Variants in HDAC9 observed in about 807,000 individuals in gnomAD.
HDAC9 encodes MEF-2 interacting transcription repressor (MITR) protein.
In HDAC9, 41 loss-of-function variants were observed where a neutral mutation model predicts 139.4. That is an observed-to-expected ratio of 0.29 (90% CI 0.23 to 0.38). The LOEUF (loss-of-function observed/expected upper bound fraction) is 0.38. Ranked by LOEUF, HDAC9 falls within the 10% of genes least tolerant of loss-of-function variation. The pLI is 1.00. For missense variants in HDAC9, 1,147 were observed against 1,297.0 expected, an observed-to-expected ratio of 0.88 and a Z score of 1.78; for synonymous variants, 517 against 476.2, an observed-to-expected ratio of 1.09 and a Z score of -1.12.
At chr7:18,830,969 A>C (rs184568934) in intron 19 of HDAC9, among the ~76,000 whole-genome samples, 1 of 152,368 alleles carries the variant, frequency 6.6e-6, no homozygotes, top group African/African-American at 2.4e-5. Flanking sequence ...AAAACTTTAA[A>C]AATAGTATGC....
chr7:18,984,454 CAGAG>C (rs146444039), intron 25 of HDAC9, among the ~76,000 whole-genome samples: 1 of 151,030 alleles, frequency 6.6e-6, no homozygotes, highest in Non-Finnish European at 1.5e-5. Flanking sequence ...TAAGCTTTCA[CAGAG>C]AGAGAGAGAG....
At chr7:18,829,734 C>G (rs1357209898) in intron 19 of HDAC9, among the ~76,000 whole-genome samples, 186 bp downstream of exon 19, 1 of 152,200 alleles carries the variant, frequency 6.6e-6, no homozygotes, top group Admixed American at 6.5e-5. Context: ...TCACGTTTCA[C>G]TTTCATGGTG....
rs927321886 is a variant in HDAC9 at position 18,418,729 on chromosome 7, AT to A, written c.-41-77524del. ...ATATGAAAGCTGATGAATCGTAAGA[AT>A]TTTTTTTTAATATGATAGCTGATGG... is the stretch of plus-strand genomic sequence containing the variant. On this transcript the variant is annotated intron_variant, in intron 1 of 3. Transcript: ENST00000413509. 6.0e-3 allele frequency among the ~76,000 whole-genome samples: 908 copies of A among 151,518 alleles called. 8 individuals are homozygous for A. The highest frequency in any genetic ancestry group is 0.021 in the African/African-American group (853 of 41,242).
intron 3 of HDAC9, 95 bp from the exon 4 acceptor site, chr7:18,590,241 C>T: frequency 7.8e-7 from 1 of 1,289,174 alleles, no homozygotes. Flanking sequence ...TAAATACAAA[C>T]AAGTTCCAAA....
chr7:18,715,523 C>T (rs1213413905), intron 12 of HDAC9, among the ~76,000 whole-genome samples: 10 of 151,980 alleles, frequency 6.6e-5, no homozygotes, highest in Admixed American at 3.9e-4. Context: ...TGGGTCTAGA[C>T]GCCAGTGATG....
chr7:18,459,982 C>T (rs1190561625), intron 1 of HDAC9, among the ~76,000 whole-genome samples: 5 of 146,226 alleles, frequency 3.4e-5, no homozygotes, highest in African/African-American at 1.3e-4. Flanking sequence ...TTCTGCTCAT[C>T]ACCCATGGCT....
chr7:18,536,888 T>C (rs976852547), intron 2 of HDAC9, among the ~76,000 whole-genome samples: 1 of 152,194 alleles, frequency 6.6e-6, no homozygotes, highest in Non-Finnish European at 1.5e-5. Flanking sequence ...TTCTAAAATA[T>C]TTAAAAAGTT....
intron 2 of HDAC9, among the ~76,000 whole-genome samples, chr7:18,220,194 A>G (rs779129541): frequency 3.3e-5 from 5 of 152,206 alleles, no homozygotes; most frequent in Non-Finnish European, 7.4e-5. Flanking sequence ...CATTAAATTT[A>G]TGCTATAATT....
At chr7:18,543,118 G>A (rs1329780290) in intron 2 of HDAC9, 2 of 152,094 alleles carry the variant, frequency 1.3e-5, no homozygotes, top group Non-Finnish European at 2.9e-5. Context: ...ACCTTTTAAA[G>A]TTATTTTTTG....
chr7:18,779,080 C>T (rs982898410), intron 16 of HDAC9, among the ~76,000 whole-genome samples: 2 of 152,046 alleles, frequency 1.3e-5, no homozygotes, highest in Admixed American at 6.6e-5. Flanking sequence ...TGTAGCTGCT[C>T]TGTTTCTTTT....
chr7:18,474,279 G>A (rs1245000354), intron 1 of HDAC9, among the ~76,000 whole-genome samples: 1 of 152,196 alleles, frequency 6.6e-6, no homozygotes, highest in Non-Finnish European at 1.5e-5. Flanking sequence ...TACCTATACT[G>A]TAAGTTTTTA....
rs71014326 is a variant in HDAC9 at position 18,411,817 on chromosome 7, C to CTTTTTT, written c.-41-84426_-41-84421dup. The stretch of plus-strand genomic sequence containing the variant: ...GTGTACTAAATGTAATTTCAACTTG[C>CTTTTTT]TTTTTTTTTTTTTTTTTTTTTTTTA... On this transcript the variant is annotated intron_variant, in intron 1 of 3. Coordinates refer to the HDAC9 transcript ENST00000413509. 9.0e-4 allele frequency among the ~76,000 whole-genome samples: 80 copies of CTTTTTT among 88,940 alleles called. 1 individual carries two copies. The highest frequency in any genetic ancestry group is 2.0e-3 in the East Asian group (5 of 2,508). The allele number at this position is 88,940 out of a possible 152,430, so 58.3% of individuals were successfully genotyped here. A position where few individuals can be genotyped will look rare whatever the true frequency, so the allele number is the denominator to read the frequency against.
intron 1 of HDAC9, among the ~76,000 whole-genome samples, chr7:18,095,609 C>T (rs1018661660): frequency 6.6e-6 from 1 of 152,106 alleles, no homozygotes; most frequent in African/African-American, 2.4e-5. Context: ...CCGGTTTTGA[C>T]TAAGACTACA....
intron 2 of HDAC9, among the ~76,000 whole-genome samples, chr7:18,171,285 C>A (rs1171078089): frequency 4.6e-5 from 7 of 151,974 alleles, no homozygotes; most frequent in African/African-American, 7.3e-5. Context: ...TGATTTTTGC[C>A]CATTGATTTT....
chr7:18,906,457 T>C (rs1265053459), intron 22 of HDAC9, among the ~76,000 whole-genome samples: 1 of 152,180 alleles, frequency 6.6e-6, no homozygotes, highest in Non-Finnish European at 1.5e-5. Context: ...TTTTTCTAAA[T>C]ACAGATATAA....
At chr7:18,170,803 A>G (rs1014805058) in intron 2 of HDAC9, among the ~76,000 whole-genome samples, 16 of 152,090 alleles carry the variant, frequency 1.1e-4, no homozygotes, top group East Asian at 7.7e-4. Flanking sequence ...CCATTGTTCT[A>G]TATCTCTGTT....
intron 1 of HDAC9, among the ~76,000 whole-genome samples, chr7:18,320,933 T>C (rs661818): frequency 0.57 from 87,415 of 152,046 alleles, 26,217 homozygotes; most frequent in South Asian, 0.66. Flanking sequence ...ATCTAAGTCA[T>C]GGTTTAGAGG....
At chr7:18,632,638 G>A (rs1782684097) in intron 7 of HDAC9, among the ~76,000 whole-genome samples, 1 of 152,074 alleles carries the variant, frequency 6.6e-6, no homozygotes, top group African/African-American at 2.4e-5. Flanking sequence ...AAGGGCAATG[G>A]TGGGAAATAA....
At chr7:18,742,474 G>T (rs748287883) in intron 13 of HDAC9, among the ~76,000 whole-genome samples, 20 of 152,192 alleles carry the variant, frequency 1.3e-4, no homozygotes, top group Non-Finnish European at 2.5e-4. Flanking sequence ...ATAGGTTACA[G>T]TATAATGTAA....
Sources: gnomAD v4.1 joint callset for allele counts (sites outside exome capture counted in the v4.1 genomes callset) on GRCh38, gnomAD v4.1.1 for gene constraint, MANE v1.5 for transcripts, NCBI Gene and HGNC (gene_info 2026-07-23, HGNC 2026-07-21) for gene names.